MALAT1: variants seen among roughly 807,000 people sequenced by gnomAD.
MALAT1 encodes metastasis associated lung adenocarcinoma transcript 1.
chr11:65,501,609 G>A (rs755034100), exon 3 of MALAT1: 1 of 518,910 alleles, frequency 1.9e-6, no homozygotes, highest in Non-Finnish European at 3.8e-6. Context: ...TAGTACTATT[G>A]ACAAACTGGG....
exon 3 of MALAT1, chr11:65,503,651 C>T (rs370253271): frequency 7.8e-6 from 4 of 512,492 alleles, no homozygotes; most frequent in East Asian, 5.5e-5. Flanking sequence ...AAGCTGTCTC[C>T]TTATTTAAAT....
exon 3 of MALAT1, chr11:65,500,714 C>T (rs1854526106): frequency 1.9e-6 from 1 of 518,978 alleles, no homozygotes; most frequent in South Asian, 1.4e-5. Context: ...CGTAGAGGAT[C>T]CTAGACCAGC....
exon 3 of MALAT1, chr11:65,500,546 C>A (rs748066687): frequency 1.9e-6 from 1 of 518,718 alleles, no homozygotes; most frequent in East Asian, 5.5e-5. Context: ...GGAGCCAGTG[C>A]GATTTGGTGA....
At chr11:65,497,750 C>G (rs761127984) in exon 1 of MALAT1, 2 of 427,488 alleles carry the variant, frequency 4.7e-6, no homozygotes, top group Middle Eastern at 4.2e-4. Flanking sequence ...CAGCCTGCAG[C>G]CCGAGACTTC....
At chr11:65,503,222 T>C (rs1854595191) in exon 3 of MALAT1, 1 of 514,194 alleles carries the variant, frequency 1.9e-6, no homozygotes, top group Non-Finnish European at 3.9e-6. Flanking sequence ...CAGTATTGCA[T>C]GTTAGGGATA....
exon 3 of MALAT1, chr11:65,499,935 G>A (rs60236485): frequency 0.016 from 6,815 of 435,248 alleles, 357 homozygotes; most frequent in African/African-American, 0.12. Flanking sequence ...TATTGGAGAA[G>A]TATAGAAGAT....
At chr11:65,506,111 G>GAA (rs767961580) in intron 3 of MALAT1, 2 of 391,258 alleles carry the variant, frequency 5.1e-6, no homozygotes, top group Non-Finnish European at 9.8e-6. Context: ...AAAAAAAAAA[G>GAA]CAAAAGATGC....
exon 3 of MALAT1, chr11:65,501,367 A>G: frequency 1.9e-6 from 1 of 518,742 alleles, no homozygotes; most frequent in Non-Finnish European, 3.9e-6. Flanking sequence ...CCACAGGTTT[A>G]CAGTTTATAG....
At position 65,502,214 on chromosome 11, in the gene MALAT1, A is replaced by G. The variant is rs192350428; in HGVS notation, n.3477A>G. On this transcript the variant is annotated non_coding_transcript_exon_variant, in exon 3 of 4. Coordinates refer to ENST00000619449, the Ensembl canonical transcript of MALAT1. Reference sequence around the variant, plus strand: ...GGTTGGTCTGGCCTACTGGGCTGACATTAACTACAATTATGGGAAATGCAA... The same window carrying G: ...GGTTGGTCTGGCCTACTGGGCTGACGTTAACTACAATTATGGGAAATGCAA... The G allele has an allele frequency of 4.4e-5, 23 of 518,996 alleles. No individual in the cohort carries two copies. The East Asian group carries it at 1.2e-3, about 27-fold the overall frequency. The allele number at this position is 518,996 out of a possible 1,614,324, so 32.1% of individuals were successfully genotyped here. A position where few individuals can be genotyped will look rare whatever the true frequency, so the allele number is the denominator to read the frequency against.
exon 3 of MALAT1, chr11:65,499,381 A>T (rs1565674724): frequency 2.0e-6 from 1 of 490,226 alleles, no homozygotes; most frequent in South Asian, 1.5e-5. Flanking sequence ...AGAGCCCCGA[A>T]TTAATACCAA....
chr11:65,504,420 C>T, intron 3 of MALAT1: 1 of 518,634 alleles, frequency 1.9e-6, no homozygotes, highest in South Asian at 1.4e-5. Flanking sequence ...TATTAGAATG[C>T]ATTGTGAAAC....
exon 3 of MALAT1, chr11:65,501,734 C>T (rs1021892176): frequency 1.9e-6 from 1 of 518,874 alleles, no homozygotes; most frequent in South Asian, 1.4e-5. Flanking sequence ...CACAGTGCAG[C>T]TTTGGTTCAT....
intron 1 of MALAT1, chr11:65,498,322 C>T (rs748357993): frequency 3.9e-6 from 2 of 517,944 alleles, no homozygotes; most frequent in Non-Finnish European, 7.7e-6. Context: ...GAAAAATTTC[C>T]GTGCGGGCCG....
At chr11:65,501,986 A>G (rs1378522233) in exon 3 of MALAT1, 1 of 512,798 alleles carries the variant, frequency 2.0e-6, no homozygotes, top group East Asian at 5.5e-5. Context: ...AAGTAAAGAA[A>G]TATCAACTTC....
intron 3 of MALAT1, chr11:65,504,728 G>A (rs752796203): frequency 2.1e-5 from 11 of 518,964 alleles, no homozygotes; most frequent in South Asian, 1.4e-4. Flanking sequence ...AAACTGGCAA[G>A]TGGAAATGTT....
exon 3 of MALAT1, chr11:65,503,517 A>G (rs767471977): frequency 3.9e-6 from 2 of 518,750 alleles, no homozygotes; most frequent in East Asian, 5.4e-5. Context: ...AAGGAATAGC[A>G]TGATGTGCTG....
chr11:65,498,118 C>T (rs1285044785), intron 1 of MALAT1: 1 of 518,948 alleles, frequency 1.9e-6, no homozygotes, highest in Non-Finnish European at 3.8e-6. Flanking sequence ...AAAACAAAAA[C>T]CCCTAAAAAA....
At chr11:65,498,069 C>T (rs748369719) in intron 1 of MALAT1, 4 of 518,972 alleles carry the variant, frequency 7.7e-6, no homozygotes, top group South Asian at 2.8e-5. Flanking sequence ...TTCAGAAGGT[C>T]TGAAGCTCAT....
intron 3 of MALAT1, chr11:65,506,057 ATTG>A (rs1288137668): frequency 2.3e-6 from 1 of 440,298 alleles, no homozygotes; most frequent in Non-Finnish European, 4.3e-6. Context: ...AACAACACGT[ATTG>A]TTTTCTCAGG....
Sources: gnomAD v4.1 joint callset for allele counts on GRCh38, gnomAD v4.1.1 for gene constraint, MANE v1.5 for transcripts, NCBI Gene and HGNC (gene_info 2026-07-23, HGNC 2026-07-21) for gene names.